Variants in THOC1 observed in about 807,000 individuals in gnomAD.
THOC1 encodes THO complex subunit 1, also known as THO complex 1.
In THOC1, 29 loss-of-function variants were observed where a neutral mutation model predicts 97.3. The observed-to-expected ratio is 0.30, with a 90% confidence interval of 0.22 to 0.41. The LOEUF (loss-of-function observed/expected upper bound fraction) is 0.41, where lower values mean the gene tolerates loss of function less well. THOC1 is among the 10% of genes least tolerant of loss of function. The pLI is 1.00. For missense variants in THOC1, 529 were observed against 761.9 expected, an observed-to-expected ratio of 0.69 and a Z score of 3.60; for synonymous variants, 255 against 257.0, an observed-to-expected ratio of 0.99 and a Z score of 0.07.
chr18:228,852 ATC>A (rs1911386750), intron 11 of THOC1, among the ~76,000 whole-genome samples: 1 of 152,180 alleles, frequency 6.6e-6, no homozygotes. Flanking sequence ...CACCTTAAAC[ATC>A]TGTTTTTAAT....
At chr18:224,578 CAAA>C (rs11339735) in intron 15 of THOC1, among the ~76,000 whole-genome samples, 10 of 125,964 alleles carry the variant, frequency 7.9e-5, no homozygotes, top group East Asian at 2.4e-4. Context: ...GACTCCCTCT[CAAA>C]AAAAAAAAAA....
chr18:233,960 A>T (rs1166016900), intron 11 of THOC1, among the ~76,000 whole-genome samples: 1 of 152,250 alleles, frequency 6.6e-6, no homozygotes. Context: ...ATACTGAATC[A>T]ATAAATCTGG....
chr18:227,032 C>T, intron 11 of THOC1, 131 bp from the exon 12 acceptor site: 1 of 719,458 alleles, frequency 1.4e-6, no homozygotes, highest in South Asian at 1.8e-5. Context: ...TGAGAGTTCA[C>T]TGCATGTGAG....
At chr18:223,837 T>C (rs1312919619) in intron 16 of THOC1, among the ~76,000 whole-genome samples, 1 of 152,156 alleles carries the variant, frequency 6.6e-6, no homozygotes, top group Admixed American at 6.5e-5. Flanking sequence ...TAAACAATTC[T>C]ACTGTCTGAA....
chr18:263,332 G>A (rs1302433672), intron 4 of THOC1, among the ~76,000 whole-genome samples: 3 of 152,152 alleles, frequency 2.0e-5, no homozygotes, highest in African/African-American at 4.8e-5. Context: ...GCCCGTCTCA[G>A]CCTCCCAAAG....
chr18:218,623 A>C (rs1440499526), intron 18 of THOC1, among the ~76,000 whole-genome samples: 1 of 152,054 alleles, frequency 6.6e-6, no homozygotes, highest in Admixed American at 6.6e-5. Context: ...CAGAACTAAT[A>C]GTTGGAGAGA....
At chr18:215,599 A>G (rs1910852212) in intron 19 of THOC1, 95 bp from the exon 20 acceptor site, 1 of 980,250 alleles carries the variant, frequency 1.0e-6, no homozygotes, top group South Asian at 1.4e-5. Flanking sequence ...TGAGATTCCA[A>G]GTACAGGGTG....
Position 226,664 on chromosome 18 carries a change from A to G in THOC1, c.1019+137T>C, listed in dbSNP as rs148831608. On this transcript the variant is annotated intron_variant, in intron 12 of 20. Coordinates refer to ENST00000261600, the MANE Select transcript of THOC1 (RefSeq NM_005131.3). The stretch of plus-strand genomic sequence containing the variant: ...ATATCCTAATATCGAAAAGCCTTCA[A>G]TGTATCAGCTGCAATACATGTGTTT... 728 of 589,228 alleles carry G rather than the reference A, an allele frequency of 1.2e-3. 1 individual carries two copies. Among genetic ancestry groups the G allele is most frequent in the African/African-American group, 0.012 (638 of 53,076 alleles). 36.5% of individuals were successfully genotyped at this position (589,228 alleles called of 1,614,324 possible). A position where few individuals can be genotyped will look rare whatever the true frequency, so the allele number is the denominator to read the frequency against.
At chr18:244,867 A>G (rs1213018043) in intron 11 of THOC1, 1 of 152,158 alleles carries the variant, frequency 6.6e-6, no homozygotes, top group Non-Finnish European at 1.5e-5. Context: ...CTTAAAAAAA[A>G]AAAATCTGTC....
chr18:266,214 T>C (rs1241592440), intron 1 of THOC1, among the ~76,000 whole-genome samples: 1 of 152,224 alleles, frequency 6.6e-6, no homozygotes, highest in Non-Finnish European at 1.5e-5. Flanking sequence ...TCACATACAC[T>C]TAGAAAGTCA....
At chr18:238,828 C>T (rs1457874899) in intron 11 of THOC1, among the ~76,000 whole-genome samples, 4 of 152,088 alleles carry the variant, frequency 2.6e-5, no homozygotes, top group Non-Finnish European at 5.9e-5. Context: ...TTCCTTAATA[C>T]TCATAGTCAA....
chr18:255,406 C>G (rs1460664754), intron 7 of THOC1, among the ~76,000 whole-genome samples: 7 of 152,138 alleles, frequency 4.6e-5, no homozygotes, highest in Non-Finnish European at 2.9e-5. Flanking sequence ...AGCAAAACAG[C>G]CTTACTGCTG....
intron 11 of THOC1, among the ~76,000 whole-genome samples, chr18:234,628 G>A (rs191000027): frequency 8.6e-5 from 13 of 151,884 alleles, no homozygotes; most frequent in African/African-American, 2.2e-4. Context: ...GCAATCCTCC[G>A]GCCTTGGCCT....
intron 11 of THOC1, among the ~76,000 whole-genome samples, chr18:227,522 T>C (rs1911335129): frequency 6.6e-6 from 1 of 152,138 alleles, no homozygotes; most frequent in Non-Finnish European, 1.5e-5. Context: ...ATGGGCTTTT[T>C]TTTTTAGCTT....
chr18:259,333 C>T, intron 6 of THOC1, 58 bp from the exon 7 acceptor site: 4 of 1,401,210 alleles, frequency 2.9e-6, no homozygotes, highest in Non-Finnish European at 3.9e-6. Flanking sequence ...TTTATTACAA[C>T]CACACCTAAA....
intron 11 of THOC1, among the ~76,000 whole-genome samples, chr18:238,297 G>A (rs1446331681): frequency 6.6e-6 from 1 of 152,202 alleles, no homozygotes; most frequent in Non-Finnish European, 1.5e-5. Context: ...GCCCACTGAA[G>A]GCAGGAGCTA....
At chr18:263,966 T>C in intron 4 of THOC1, 60 bp downstream of exon 4, 1 of 1,327,308 alleles carries the variant, frequency 7.5e-7, no homozygotes, top group Middle Eastern at 1.8e-4. Flanking sequence ...GAAGACGTTT[T>C]AAATAAAGCA....
intron 11 of THOC1, among the ~76,000 whole-genome samples, chr18:236,936 C>CT (rs954724697): frequency 2.2e-4 from 33 of 148,388 alleles, no homozygotes; most frequent in African/African-American, 4.5e-4. Flanking sequence ...GACTGTTAGG[C>CT]TTTTTTTTTT....
At chr18:241,181 T>C (rs759571187) in intron 11 of THOC1, among the ~76,000 whole-genome samples, 2 of 152,098 alleles carry the variant, frequency 1.3e-5, no homozygotes, top group African/African-American at 2.4e-5. Context: ...AAAAAAATTG[T>C]AGCATAGTGG....
Sources: gnomAD v4.1 joint callset for allele counts (sites outside exome capture counted in the v4.1 genomes callset) on GRCh38, gnomAD v4.1.1 for gene constraint, MANE v1.5 for transcripts, NCBI Gene and HGNC (gene_info 2026-07-23, HGNC 2026-07-21) for gene names.